ZFPM2: variants seen among roughly 807,000 people sequenced by gnomAD.
The protein encoded by ZFPM2 is zinc finger protein, FOG family member 2.
Under a neutral mutation model 98.6 loss-of-function variants are expected in ZFPM2, and 20 were observed. The ratio of observed to expected loss-of-function variants is 0.20; its 90% confidence interval spans 0.14 to 0.29. The LOEUF (loss-of-function observed/expected upper bound fraction) is 0.29, where lower values mean the gene tolerates loss of function less well. ZFPM2 is among the 10% of genes least tolerant of loss of function. ZFPM2 has a pLI of 1.00. For missense variants in ZFPM2, 1,310 were observed against 1,388.6 expected (o/e 0.94, Z 0.90); for synonymous variants, 518 against 502.7 (o/e 1.03, Z -0.41).
chr8:105,803,043 C>A lies in ZFPM2; in HGVS notation c.2961C>A (p.Ile987=). 1 of 1,613,474 alleles carries A rather than the reference C, an allele frequency of 6.2e-7. No homozygotes were observed. The highest frequency in any genetic ancestry group is 8.5e-7 in the Non-Finnish European group (1 of 1,179,710). ...ACCAGCTTTCTCCATATTATGGAAT[C>A]AAGCCAAGTGATTATATTTCTGGTT... ...GADQLSPYYG[I]KPSDYISGSL... is the part of the protein sequence containing the mutation. Residue 987 remains isoleucine, a synonymous_variant, in exon 8 of 8, where the codon ATC becomes ATA. Transcript: ENST00000407775.
intron 5 of ZFPM2, among the ~76,000 whole-genome samples, chr8:105,688,779 T>C (rs932922795): frequency 5.3e-5 from 8 of 152,178 alleles, no homozygotes; most frequent in South Asian, 2.1e-4. Context: ...TCTAGATCTT[T>C]GTGAATACAT....
chr8:105,426,913 T>C (rs1308018724), intron 2 of ZFPM2, among the ~76,000 whole-genome samples: 3 of 152,100 alleles, frequency 2.0e-5, no homozygotes, highest in Non-Finnish European at 4.4e-5. Context: ...GCCCAGATCA[T>C]GCCACTGCAC....
At chr8:105,474,239 G>A (rs79012351) in intron 3 of ZFPM2, among the ~76,000 whole-genome samples, 3,088 of 152,270 alleles carry the variant, frequency 0.02, 107 homozygotes, top group African/African-American at 0.07. Flanking sequence ...AGGGGAAAAT[G>A]TACAATGGGA....
At chr8:105,775,310 C>T (rs945990726) in intron 5 of ZFPM2, among the ~76,000 whole-genome samples, 2 of 151,970 alleles carry the variant, frequency 1.3e-5, no homozygotes, top group African/African-American at 4.8e-5. Context: ...ATTTCCCCCC[C>T]TCCCCTCTTC....
intron 6 of ZFPM2, among the ~76,000 whole-genome samples, chr8:105,797,557 T>C (rs1364745389): frequency 6.6e-6 from 1 of 152,178 alleles, no homozygotes; most frequent in Non-Finnish European, 1.5e-5. Context: ...TGCAATTCTT[T>C]CACAGTCTAT....
intron 5 of ZFPM2, among the ~76,000 whole-genome samples, chr8:105,773,893 A>G (rs563732814): frequency 6.6e-6 from 1 of 152,238 alleles, no homozygotes; most frequent in East Asian, 1.9e-4. Flanking sequence ...CTCATACTCC[A>G]TATCTTCTTT....
intron 3 of ZFPM2, among the ~76,000 whole-genome samples, chr8:105,553,843 T>C (rs1019512395): frequency 2.0e-5 from 3 of 152,204 alleles, no homozygotes; most frequent in Non-Finnish European, 4.4e-5. Flanking sequence ...TTTCCTTTCT[T>C]ATCCACACAA....
intron 5 of ZFPM2, among the ~76,000 whole-genome samples, chr8:105,709,147 G>T (rs1225455039): frequency 6.6e-6 from 1 of 152,188 alleles, no homozygotes; most frequent in African/African-American, 2.4e-5. Flanking sequence ...AGGTCAGAAA[G>T]GGAGAAAAGG....
At chr8:105,420,447 T>C (rs1273730104) in intron 2 of ZFPM2, among the ~76,000 whole-genome samples, 1 of 152,168 alleles carries the variant, frequency 6.6e-6, no homozygotes, top group Admixed American at 6.5e-5. Context: ...GTAGAACCCC[T>C]GGCTCTAAAA....
chr8:105,340,801 A>G (rs146919552), intron 1 of ZFPM2, among the ~76,000 whole-genome samples: 2,853 of 152,050 alleles, frequency 0.019, 102 homozygotes, highest in Admixed American at 0.1. Context: ...CAGGCAATAA[A>G]CACAATAACT....
At chr8:105,410,685 A>G (rs950813291) in intron 1 of ZFPM2, among the ~76,000 whole-genome samples, 7 of 151,934 alleles carry the variant, frequency 4.6e-5, no homozygotes, top group African/African-American at 1.7e-4. Flanking sequence ...AATAGTAGCA[A>G]TATTTTGATG....
chr8:105,444,434 A>G (rs1366853199), intron 3 of ZFPM2, 53 bp downstream of exon 3: 1 of 1,401,372 alleles, frequency 7.1e-7, no homozygotes, highest in Non-Finnish European at 9.6e-7. Context: ...AGAAATACAC[A>G]TTTTTCTTTT....
intron 3 of ZFPM2, among the ~76,000 whole-genome samples, chr8:105,464,519 G>GA: frequency 6.6e-6 from 1 of 151,990 alleles, no homozygotes; most frequent in South Asian, 2.1e-4. Context: ...AAAAGAGAGA[G>GA]AGAAAACCAT....
intron 4 of ZFPM2, among the ~76,000 whole-genome samples, chr8:105,602,183 G>T (rs1816106530): frequency 6.6e-6 from 1 of 152,002 alleles, no homozygotes; most frequent in South Asian, 2.1e-4. Flanking sequence ...CACACCTAAG[G>T]CTAGGAGGTA....
At chr8:105,462,315 A>G (rs1812718330) in intron 3 of ZFPM2, among the ~76,000 whole-genome samples, 1 of 152,076 alleles carries the variant, frequency 6.6e-6, no homozygotes, top group Non-Finnish European at 1.5e-5. Context: ...ATAGCTAAGG[A>G]TGTTAAGTCT....
intron 5 of ZFPM2, among the ~76,000 whole-genome samples, chr8:105,787,805 A>G (rs555373094): frequency 2.0e-4 from 31 of 152,350 alleles, no homozygotes; most frequent in Admixed American, 6.5e-5. Flanking sequence ...TAGGATACAT[A>G]TCTAGGCCTG....
intron 3 of ZFPM2, among the ~76,000 whole-genome samples, chr8:105,503,251 AG>A (rs1361310858): frequency 6.6e-6 from 1 of 152,198 alleles, no homozygotes; most frequent in Non-Finnish European, 1.5e-5. Flanking sequence ...CCACACATAA[AG>A]GGAGCAACTC....
At chr8:105,695,091 G>A (rs1210100376) in intron 5 of ZFPM2, among the ~76,000 whole-genome samples, 4 of 152,058 alleles carry the variant, frequency 2.6e-5, no homozygotes, top group Admixed American at 2.6e-4. Context: ...CATAGGATCA[G>A]CATTGAATCA....
chr8:105,459,236 A>G (rs1812658922), intron 3 of ZFPM2, among the ~76,000 whole-genome samples: 10 of 152,096 alleles, frequency 6.6e-5, no homozygotes, highest in Admixed American at 6.6e-4. Context: ...TTTTGCTTTT[A>G]TGTTGCCCCA....
Sources: allele counts gnomAD v4.1 joint callset (sites outside exome capture counted in the v4.1 genomes callset), GRCh38; gene constraint gnomAD v4.1.1; transcripts MANE v1.5; gene names NCBI Gene and HGNC (gene_info 2026-07-23, HGNC 2026-07-21).